BTG3: variants seen among roughly 807,000 people sequenced by gnomAD.
BTG3 encodes the protein protein BTG3.
BTG3 carries 4 observed loss-of-function variants against 25.8 expected under a neutral mutation model. The observed-to-expected ratio is 0.16, with a 90% CI of 0.08 to 0.36. The LOEUF (loss-of-function observed/expected upper bound fraction) is 0.36. BTG3 is among the 10% of genes least tolerant of loss of function. The pLI, the probability that BTG3 is intolerant of heterozygous loss-of-function variation, is 1.00. For synonymous variants in BTG3, 107 were observed against 99.9 expected (o/e 1.07, Z -0.42); for missense variants, 201 against 304.9 (o/e 0.66, Z 2.54).
intron 1 of BTG3, among the ~76,000 whole-genome samples, chr21:17,609,891 C>T (rs1408155149): frequency 6.6e-6 from 1 of 152,016 alleles, no homozygotes; most frequent in African/African-American, 2.4e-5. Flanking sequence ...ATGCCCACAG[C>T]AGTATTCATA....
rs932190887 is a variant in BTG3, at chr21:17,599,138, T to C, written c.312-314A>G. 6 of 257,150 alleles carry C rather than the reference T, an allele frequency of 2.3e-5. No individual in the cohort carries two copies. In the Admixed American group the frequency reaches 2.5e-4, roughly 11 times the overall value. The allele number at this position is 257,150 out of a possible 1,614,324, so 15.9% of individuals were successfully genotyped here. ...GTCCATTGTTTTGATTACATTTTTG[T>C]ATGTACCAATGAAATTGGTTGTACA... On this transcript the variant is annotated intron_variant, in intron 3 of 4. Transcript: ENST00000348354.
intron 4 of BTG3, among the ~76,000 whole-genome samples, chr21:17,597,004 A>G (rs560414204): frequency 6.6e-6 from 1 of 152,106 alleles, no homozygotes; most frequent in African/African-American, 2.4e-5. Context: ...AAGATACTAG[A>G]AAGAAGAAAA....
Position 17,608,997 on chromosome 21 carries a change from T to C in BTG3, c.148A>G (p.Lys50Glu). The C allele has an allele frequency of 6.2e-7, 1 of 1,613,688 alleles. No individual in the cohort carries two copies. The highest frequency in any genetic ancestry group is 1.1e-5 in the South Asian group (1 of 90,882). Residue 50 changes from lysine to glutamate, a missense_variant, in exon 2 of 5, where the codon AAA (lysine) becomes GAA (glutamate). Transcript: ENST00000348354. The part of the protein sequence containing the change: ...EKYKNHWYPE[K>E]PSKGQAYRCI... ...CTGTAGGCCTGTCCTTTCGATGGTT[T>C]TTCTGGATACCAGTGATTTTTATAT...
At chr21:17,606,810 C>G (rs368427061) in intron 2 of BTG3, among the ~76,000 whole-genome samples, 1 of 152,100 alleles carries the variant, frequency 6.6e-6, no homozygotes, top group South Asian at 2.1e-4. Context: ...TTTGCAATTA[C>G]AAAGTGTAAG....
In BTG3 at chr21:17,598,535, T is replaced by C. The variant is rs988704714; in HGVS notation, c.519+82A>G. ...ATCCAGAATCTCAAGTCAGAAACCT[T>C]GGGCAATGCCAAGTAGGACTACCTG... On this transcript the variant is annotated intron_variant, in intron 4 of 4. Transcript: ENST00000348354. The C allele has an allele frequency of 1.1e-5, 13 of 1,175,384 alleles. No individual in the cohort carries two copies. In the African/African-American group the frequency reaches 1.2e-4, roughly 11 times the overall value. The allele number at this position is 1,175,384 out of a possible 1,614,324, so 72.8% of individuals were successfully genotyped here.
intron 3 of BTG3, among the ~76,000 whole-genome samples, chr21:17,601,623 G>GTTTTAGCAA (rs1169951197): frequency 6.6e-6 from 1 of 152,146 alleles, no homozygotes; most frequent in African/African-American, 2.4e-5. Flanking sequence ...TTAGCATAAG[G>GTTTTAGCAA]TTTTAGCAAT....
chr21:17,595,545 C>T (rs1436506876), intron 4 of BTG3, among the ~76,000 whole-genome samples: 1 of 151,922 alleles, frequency 6.6e-6, no homozygotes, highest in Non-Finnish European at 1.5e-5. Context: ...CTGCTTTTTA[C>T]ATTTCATAAT....
At chr21:17,602,361 A>T (rs2061585335) in intron 3 of BTG3, among the ~76,000 whole-genome samples, 1 of 151,570 alleles carries the variant, frequency 6.6e-6, no homozygotes. Flanking sequence ...GTGCATCTCA[A>T]TTTTTTTTTA....
chr21:17,598,248 G>A (rs913419888), intron 4 of BTG3, among the ~76,000 whole-genome samples: 5 of 151,980 alleles, frequency 3.3e-5, no homozygotes, highest in Non-Finnish European at 5.9e-5. Context: ...ATCATGGAAC[G>A]GGAGAGAATA....
chr21:17,609,425 C>T (rs148791609), intron 1 of BTG3, among the ~76,000 whole-genome samples: 2,874 of 152,286 alleles, frequency 0.019, 45 homozygotes, highest in Middle Eastern at 0.037. Context: ...AATAAAACCA[C>T]ACCTATCAGT....
chr21:17,607,646 G>A (rs2061661522), intron 2 of BTG3, among the ~76,000 whole-genome samples: 1 of 152,198 alleles, frequency 6.6e-6, no homozygotes, highest in African/African-American at 2.4e-5. Flanking sequence ...ACTTGCAAGA[G>A]CCCAGTGGCA....
At chr21:17,601,042 A>T (rs2061567058) in intron 3 of BTG3, among the ~76,000 whole-genome samples, 1 of 152,154 alleles carries the variant, frequency 6.6e-6, no homozygotes, top group South Asian at 2.1e-4. Context: ...GTGCGCCTGT[A>T]ATCCCAGCTA....
chr21:17,609,136 A>T lies in BTG3; in HGVS notation c.9T>A (p.Asn3Lys). The T allele has an allele frequency of 1.2e-6, 2 of 1,604,282 alleles. No individual in the cohort carries two copies. The highest frequency in any genetic ancestry group is 1.7e-6 in the Non-Finnish European group (2 of 1,177,682). Residue 3 changes from asparagine to lysine, a missense_variant, in exon 2 of 5, where the codon AAT (asparagine) becomes AAA (lysine). Transcript: ENST00000348354. ...AAAAGAAGACAACGGCAGCAATTTC[A>T]TTCTTCATTTTTTTCCCTGCAAAGA... MK[N>K]EIAAVVFFFT... is the part of the protein sequence containing the mutation.
At chr21:17,604,440 C>T (rs1368358867) in intron 3 of BTG3, among the ~76,000 whole-genome samples, 3 of 151,074 alleles carry the variant, frequency 2.0e-5, no homozygotes, top group Non-Finnish European at 3.0e-5. Context: ...AGTGAAACTC[C>T]GTCCCAAAAA....
chr21:17,598,642 G>A lies in BTG3; in HGVS notation c.494C>T (p.Thr165Ile), dbSNP rs1195107147. 6.2e-7 allele frequency: 1 copy of A among 1,614,066 alleles called. No individual in the cohort carries two copies. Among genetic ancestry groups the A allele is most frequent in the Admixed American group, 1.7e-5 (1 of 60,012 alleles). Residue 165 changes from threonine (T) to isoleucine (I), a missense_variant, in exon 4 of 5, where the codon ACT (threonine) becomes ATT (isoleucine). By Grantham distance (89) the Thr-to-Ile change is moderately conservative. Around this residue, in one of 2 missense-constraint regions of BTG3, gnomAD observed 131 missense variants for 129.3 expected, o/e 1.01. Coordinates refer to ENST00000348354, the MANE Select transcript of BTG3 (RefSeq NM_006806.5). ...CTGGTACACAGGACTTGCGGCTGCA[G>A]TCACCGAACTGGGTTTCACTTCCAT... Reference protein sequence around the residue: ...KEMEVKPSSVTAAASPVYQIS... With the variant: ...KEMEVKPSSVIAAASPVYQIS...
At chr21:17,606,813 A>T (rs1421458966) in intron 2 of BTG3, among the ~76,000 whole-genome samples, 3 of 152,168 alleles carry the variant, frequency 2.0e-5, no homozygotes, top group African/African-American at 4.8e-5. Context: ...GCAATTACAA[A>T]GTGTAAGAGA....
rs1250740030 is a variant in BTG3 at position 17,593,889 on chromosome 21, TAATAA to T, written c.*199_*203del. On this transcript the variant is annotated 3_prime_UTR_variant, in exon 5 of 5. Transcript: ENST00000348354. Reference sequence around the variant, plus strand: ...AAAAACTTAGGCACTTGACTAACTTTAATAAAATTTCTCAAACTATATCAATATCT... The same window carrying T: ...AAAAACTTAGGCACTTGACTAACTTTAATTTCTCAAACTATATCAATATCT... 7 of 646,338 alleles carry T rather than the reference TAATAA, an allele frequency of 1.1e-5. No individual in the cohort carries two copies. Among genetic ancestry groups the T allele is most frequent in the African/African-American group, 1.9e-5 (1 of 53,464 alleles). The allele number at this position is 646,338 out of a possible 1,614,324, so 40.0% of individuals were successfully genotyped here.
intron 3 of BTG3, among the ~76,000 whole-genome samples, chr21:17,601,178 G>C (rs1008654044): frequency 2.1e-5 from 3 of 143,890 alleles, no homozygotes; most frequent in Non-Finnish European, 4.6e-5. Flanking sequence ...AAAAAAAAAA[G>C]TTGCTACGGG....
chr21:17,598,126 C>A (rs1457582793), intron 4 of BTG3, among the ~76,000 whole-genome samples: 1 of 152,028 alleles, frequency 6.6e-6, no homozygotes, highest in Admixed American at 6.6e-5. Flanking sequence ...TCTGTAAGTG[C>A]AGGCACACTA....
Sources: gnomAD v4.1 joint callset for allele counts (sites outside exome capture counted in the v4.1 genomes callset) on GRCh38, gnomAD v4.1.1 for gene constraint, gnomAD v4.1.1 regional missense constraint, MANE v1.5 for transcripts, NCBI Gene and HGNC (gene_info 2026-07-23, HGNC 2026-07-21) for gene names.